BANP: variants seen among roughly 807,000 people sequenced by gnomAD.
BANP encodes the protein protein BANP.
Under a neutral mutation model 68.1 loss-of-function variants are expected in BANP, and 11 were observed. The ratio of observed to expected loss-of-function variants is 0.16; its 90% CI spans 0.10 to 0.27. BANP has a LOEUF of 0.27. BANP is among the 10% of genes least tolerant of loss of function. The probability of loss-of-function intolerance (pLI) is 1.00; values close to 1 mark genes in which losing one functional copy is unlikely to be tolerated. For missense variants in BANP, 504 were observed against 722.7 expected (o/e 0.70, Z 3.47); for synonymous variants, 329 against 303.2 (o/e 1.09, Z -0.88).
intron 6 of BANP, among the ~76,000 whole-genome samples, chr16:88,015,262 T>C (rs1341019756): frequency 6.8e-6 from 1 of 146,758 alleles, no homozygotes; most frequent in East Asian, 2.0e-4. Flanking sequence ...TCTGTCCCTC[T>C]GTCCATGCCC....
intron 1 of BANP, among the ~76,000 whole-genome samples, chr16:87,969,151 G>C (rs902878549): frequency 2.0e-5 from 3 of 152,214 alleles, no homozygotes; most frequent in Non-Finnish European, 2.9e-5. Flanking sequence ...GACTCCTGAA[G>C]CTGCGTGGTA....
At chr16:88,041,888 T>C (rs1229210043) in intron 11 of BANP, among the ~76,000 whole-genome samples, 1 of 152,162 alleles carries the variant, frequency 6.6e-6, no homozygotes, top group East Asian at 1.9e-4. Flanking sequence ...TTGGGCACAC[T>C]GGGAGTGCGC....
At chr16:88,027,257 A>G (rs2077179452) in intron 7 of BANP, among the ~76,000 whole-genome samples, 1 of 151,928 alleles carries the variant, frequency 6.6e-6, no homozygotes, top group Non-Finnish European at 1.5e-5. Flanking sequence ...GTGTGTCATG[A>G]CACCTTAGTG....
At chr16:88,019,564 CGGGGG>C (rs1371143460) in intron 7 of BANP, among the ~76,000 whole-genome samples, 1 of 48,212 alleles carries the variant, frequency 2.1e-5, no homozygotes, top group Non-Finnish European at 6.7e-5. Flanking sequence ...TCTCAGCGTG[CGGGGG>C]GCGGGGCGTC....
At chr16:88,053,990 C>T (rs1395023524) in intron 11 of BANP, among the ~76,000 whole-genome samples, 1 of 93,440 alleles carries the variant, frequency 1.1e-5, no homozygotes, top group African/African-American at 3.1e-5. Context: ...ACTATCATCA[C>T]CATCACCAAC....
intron 12 of BANP, among the ~76,000 whole-genome samples, chr16:88,067,646 C>T (rs1000117934): frequency 2.9e-4 from 44 of 152,238 alleles, no homozygotes; most frequent in Non-Finnish European, 4.4e-4. Context: ...CATTCAGAGC[C>T]GCTCCCCAGT....
intron 8 of BANP, among the ~76,000 whole-genome samples, chr16:88,029,905 G>T (rs1366837981): frequency 6.6e-6 from 1 of 152,208 alleles, no homozygotes; most frequent in African/African-American, 2.4e-5. Flanking sequence ...AAGAGCAGAG[G>T]GTTACACGGG....
chr16:88,044,267 T>A (rs1389739617), intron 11 of BANP, among the ~76,000 whole-genome samples: 2 of 152,194 alleles, frequency 1.3e-5, no homozygotes, highest in Non-Finnish European at 2.9e-5. Context: ...TCCATCGTGG[T>A]TCTAGAACCC....
At chr16:88,065,400 C>G (rs1443696820) in intron 12 of BANP, 68 bp downstream of exon 12, 2 of 689,666 alleles carry the variant, frequency 2.9e-6, no homozygotes, top group Non-Finnish European at 5.3e-6. Context: ...TTTTAAAGAC[C>G]CCCGCGATGA....
At position 88,033,143 on chromosome 16, in the gene BANP, G is replaced by A; in HGVS notation, c.1098G>A (p.Glu366=). The change falls in exon 9 of 14, where the codon GAG becomes GAA. Residue 366 remains glutamate (E), a synonymous_variant. Coordinates refer to ENST00000682872, the MANE Select transcript of BANP (RefSeq NM_001386991.1). ...TGAGCACCCCACCTCCTGCCAGCGA[G>A]CTCCCGCAGCCACAGCCGCAGCCGC... ...PMMSTPPPAS[E]LPQPQPQPQA... 6.2e-7 allele frequency: 1 copy of A among 1,608,818 alleles called. No homozygotes were observed. The highest frequency in any genetic ancestry group is 8.5e-7 in the Non-Finnish European group (1 of 1,176,204).
chr16:87,975,392 G>GC (rs1328708169), intron 2 of BANP, among the ~76,000 whole-genome samples: 1 of 152,156 alleles, frequency 6.6e-6, no homozygotes, highest in Non-Finnish European at 1.5e-5. Context: ...TCTGGAGGGG[G>GC]CCCCTGTGAC....
In BANP at chr16:88,034,979, G is replaced by T. The variant is rs144823855; in HGVS notation, c.1201-344G>T. ...AAGTCTGGTCGTCCTGCTCTGTCCA[G>T]CCCGGGACGTGAGTCGTTCCTTTGT... On this transcript the variant is annotated intron_variant, in intron 9 of 13. Coordinates refer to ENST00000682872, the MANE Select transcript of BANP (RefSeq NM_001386991.1). 241 of 248,656 alleles carry T rather than the reference G, an allele frequency of 9.7e-4. 2 individuals are homozygous for T. The highest frequency in any genetic ancestry group is 5.4e-3 in the African/African-American group (238 of 44,194). The allele number at this position is 248,656 out of a possible 1,614,324, so 15.4% of individuals were successfully genotyped here. A position where few individuals can be genotyped will look rare whatever the true frequency, so the allele number is the denominator to read the frequency against.
In BANP at chr16:88,076,904, G is replaced by C. The variant is rs1056705990; in HGVS notation, c.*243G>C. On this transcript the variant is annotated 3_prime_UTR_variant, in exon 14 of 14. Coordinates refer to ENST00000682872, the MANE Select transcript of BANP (RefSeq NM_001386991.1). ...GGTGTCGGAGCACGAGGGGAGGCACGGTGCGGAGAGCGTCGCATATGCGCG... is the reference window on the plus strand; with the variant it reads ...GGTGTCGGAGCACGAGGGGAGGCACCGTGCGGAGAGCGTCGCATATGCGCG... 2.8e-5 allele frequency: 14 copies of C among 498,908 alleles called. No homozygotes were observed. Among genetic ancestry groups the C allele is most frequent in the Non-Finnish European group, 4.6e-5 (13 of 283,048 alleles). 30.9% of individuals were successfully genotyped at this position (498,908 alleles called of 1,614,324 possible).
At chr16:87,968,157 G>A (rs1770183467) in intron 1 of BANP, among the ~76,000 whole-genome samples, 1 of 152,026 alleles carries the variant, frequency 6.6e-6, no homozygotes, top group African/African-American at 2.4e-5. Flanking sequence ...GGTTGGCTGG[G>A]TGGCTTTTGA....
At chr16:87,985,155 C>T (rs1449217435) in intron 4 of BANP, among the ~76,000 whole-genome samples, 1 of 152,192 alleles carries the variant, frequency 6.6e-6, no homozygotes, top group African/African-American at 2.4e-5. Context: ...GCTTTGTGGG[C>T]CTCGCCAGGG....
chr16:88,018,867 G>T lies in BANP; in HGVS notation c.895+200G>T, dbSNP rs149410603. Among the ~76,000 whole-genome samples the T allele has an allele frequency of 3.6e-3, 543 of 152,316 alleles. 11 individuals are homozygous for T. Among genetic ancestry groups the T allele is most frequent in the Admixed American group, 0.028 (427 of 15,300 alleles). ...CTGATGTGCTTATTACGCACGGCATGCCCGCACCAAAATACCTCATATACC... is the reference window on the plus strand; with the variant it reads ...CTGATGTGCTTATTACGCACGGCATTCCCGCACCAAAATACCTCATATACC... On this transcript the variant is annotated intron_variant, in intron 7 of 13. Transcript: ENST00000682872. This position sits in a 1 kb window ranked among gnomAD's most constrained non-coding sequence, Gnocchi z 7.7.
chr16:87,954,054 G>T (rs1245485776), intron 1 of BANP, among the ~76,000 whole-genome samples: 4 of 152,100 alleles, frequency 2.6e-5, no homozygotes, highest in African/African-American at 9.7e-5. Context: ...TTGTCCTTCA[G>T]CTCTGGGAAG....
Position 88,051,498 on chromosome 16 carries a change from A to T in BANP, c.1311+13487A>T, listed in dbSNP as rs367849900. On this transcript the variant is annotated intron_variant, in intron 11 of 13. Coordinates refer to ENST00000682872, the MANE Select transcript of BANP (RefSeq NM_001386991.1). ...TCGGTGCCTCACGCGCAGTAGGCACATGGGAAGTGCGGCCATTCCCAGGCA... is the reference window on the plus strand; with the variant it reads ...TCGGTGCCTCACGCGCAGTAGGCACTTGGGAAGTGCGGCCATTCCCAGGCA... 3.0e-4 allele frequency among the ~76,000 whole-genome samples: 45 copies of T among 152,318 alleles called. 1 individual carries two copies. The South Asian group carries it at 8.5e-3, about 29-fold the overall frequency.
chr16:88,053,614 ACCACC>A (rs1567885272), intron 11 of BANP, among the ~76,000 whole-genome samples: 3 of 141,758 alleles, frequency 2.1e-5, no homozygotes, highest in Non-Finnish European at 4.5e-5. Context: ...CCTAACGACT[ACCACC>A]CCCACCTCCT....
Sources: gnomAD v4.1 joint callset for allele counts (sites outside exome capture counted in the v4.1 genomes callset) on GRCh38, gnomAD v4.1.1 for gene constraint, Gnocchi (gnomAD v3.1) non-coding constraint, MANE v1.5 for transcripts, NCBI Gene and HGNC (gene_info 2026-07-23, HGNC 2026-07-21) for gene names.